Variants in ZNF74 observed in about 807,000 individuals in gnomAD.
ZNF74 encodes zinc finger protein 74.
In ZNF74, 12 loss-of-function variants were observed where a neutral mutation model predicts 17.7. That is an observed-to-expected ratio of 0.68 (90% CI 0.43 to 1.10). The LOEUF (loss-of-function observed/expected upper bound fraction) is 1.10. Ranked by LOEUF, ZNF74 falls within the 50% of genes least tolerant of loss-of-function variation. ZNF74 has a pLI of 0.00. For synonymous variants in ZNF74, 358 were observed against 362.1 expected, an observed-to-expected ratio of 0.99 and a Z score of 0.13; for missense variants, 811 against 881.0, an observed-to-expected ratio of 0.92 and a Z score of 1.01.
chr22:20,405,875 G>T lies in ZNF74; in HGVS notation c.842G>T (p.Cys281Phe), dbSNP rs756215925. The change falls in exon 5 of 5, where the codon TGC (cysteine) becomes TTC (phenylalanine). Residue 281 changes from cysteine (C) to phenylalanine (F), a missense_variant. Coordinates refer to ENST00000400451, the MANE Select transcript of ZNF74 (RefSeq NM_003426.4). The stretch of plus-strand genomic sequence containing the variant: ...GAGAAGGCTTACAAGTGCGATGAAT[G>T]CGGCAAGGCCTTCACCTGGAGCACC... ...SREKAYKCDE[C>F]GKAFTWSTNL... 8.1e-6 allele frequency: 13 copies of T among 1,613,702 alleles called. No individual in the cohort carries two copies. The South Asian group carries it at 1.4e-4, about 18-fold the overall frequency.
rs761215583 is a variant in ZNF74, at chr22:20,406,494, C to T, written c.1461C>T (p.Leu487=). The change falls in exon 5 of 5, where the codon CTC becomes CTT. Residue 487 remains leucine, a synonymous_variant. Transcript: ENST00000400451. ...AAGCCTTCAGCTCCCACGCCTACCT[C>T]ATCGTGCACCGGCGCATCCACACAG... is the stretch of plus-strand genomic sequence containing the variant. ...CGKAFSSHAY[L]IVHRRIHTGE... The T allele has an allele frequency of 1.9e-6, 3 of 1,613,786 alleles. No individual in the cohort carries two copies. The highest frequency in any genetic ancestry group is 2.5e-6 in the Non-Finnish European group (3 of 1,179,860).
At position 20,400,745 on chromosome 22, in the gene ZNF74, C is replaced by A. The variant is rs1194237643; in HGVS notation, c.234C>A (p.Asn78Lys). The A allele has an allele frequency of 8.7e-6, 14 of 1,614,120 alleles. No individual in the cohort carries two copies. Among genetic ancestry groups the A allele is most frequent in the Non-Finnish European group, 1.2e-5 (14 of 1,180,016 alleles). ...ATGTGATGTTGGAGAACTACCAGAACCTTCTTGCCCTAGGTAAAATCCCCC... is the reference window on the plus strand; with the variant it reads ...ATGTGATGTTGGAGAACTACCAGAAACTTCTTGCCCTAGGTAAAATCCCCC... ...YRDVMLENYQNLLALGPPLHK... is the reference protein window; with the variant it reads ...YRDVMLENYQKLLALGPPLHK... Residue 78 changes from asparagine to lysine, a missense_variant, in exon 3 of 5, where the codon AAC (asparagine) becomes AAA (lysine). This residue lies in a region of ZNF74 where 666 missense variants were observed against 702.3 expected (regional missense o/e 0.95). Transcript: ENST00000400451.
rs551000852 is a variant in ZNF74, at chr22:20,394,167, G to T, written c.-462G>T. ...CGCTTTCCCGCAGCGGCCGCCTGCTGCTCTTTGTGGCAGTCGCAGTCCTTT... is the reference window on the plus strand; with the variant it reads ...CGCTTTCCCGCAGCGGCCGCCTGCTTCTCTTTGTGGCAGTCGCAGTCCTTT... On this transcript the variant is annotated 5_prime_UTR_variant, in exon 1 of 5. Coordinates refer to ENST00000400451, the MANE Select transcript of ZNF74 (RefSeq NM_003426.4). 2.0e-3 allele frequency: 1,212 copies of T among 618,538 alleles called. 1 individual carries two copies. Among genetic ancestry groups the T allele is most frequent in the Non-Finnish European group, 3.1e-3 (1,063 of 341,586 alleles). The allele number at this position is 618,538 out of a possible 1,614,324, so 38.3% of individuals were successfully genotyped here.
At chr22:20,395,028 C>G (rs914258232) in intron 1 of ZNF74, 2 of 444,346 alleles carry the variant, frequency 4.5e-6, no homozygotes, top group Non-Finnish European at 4.0e-6. Context: ...GCTGGGATTA[C>G]AGGCGTGAGC....
rs760213835 is a variant in ZNF74, at chr22:20,395,391, T to C, written c.93T>C (p.Gly31=). ...AAGAGAATCTCGAGGATATATCGGG[T>C]TGGGGTCTTCCCGAAGCCAGGTCCA... ...SLKENLEDIS[G]WGLPEARSKE... The change falls in exon 2 of 5, where the codon GGT becomes GGC. Residue 31 remains glycine (G), a synonymous_variant. Coordinates refer to ENST00000400451, the MANE Select transcript of ZNF74 (RefSeq NM_003426.4). 4 of 1,606,742 alleles carry C rather than the reference T, an allele frequency of 2.5e-6. No individual in the cohort carries two copies. The highest frequency in any genetic ancestry group is 2.2e-5 in the East Asian group (1 of 44,644).
In ZNF74 at chr22:20,394,446, T is replaced by G. The variant is rs2146086871; in HGVS notation, c.-183T>G. On this transcript the variant is annotated 5_prime_UTR_variant, in exon 1 of 5. Transcript: ENST00000400451. ...CTGCGGAGCCGGCCTGAACCCCACC[T>G]CAGCCGGGCGCGGGGAGGGGGCTCC... The G allele has an allele frequency of 1.6e-6, 1 of 643,830 alleles. No individual in the cohort carries two copies. Among genetic ancestry groups the G allele is most frequent in the East Asian group, 2.8e-5 (1 of 36,120 alleles). The allele number at this position is 643,830 out of a possible 1,614,324, so 39.9% of individuals were successfully genotyped here. A position where few individuals can be genotyped will look rare whatever the true frequency, so the allele number is the denominator to read the frequency against.
Position 20,405,382 on chromosome 22 carries a change from G to T in ZNF74, c.349G>T (p.Glu117Ter). 2 of 1,599,316 alleles carry T rather than the reference G, an allele frequency of 1.3e-6. No homozygotes were observed. The highest frequency in any genetic ancestry group is 1.7e-6 in the Non-Finnish European group (2 of 1,176,486). The change falls in exon 5 of 5, where the codon GAG (glutamate) becomes TAG (stop). Residue 117 changes from glutamate (E) to a stop codon, truncating the protein, a stop_gained. Coordinates refer to ENST00000400451, the MANE Select transcript of ZNF74 (RefSeq NM_003426.4). LOFTEE classifies it low-confidence loss of function (END_TRUNC). The stretch of plus-strand genomic sequence containing the variant: ...TCATTTTCAATATCTTACAGAATGG[G>T]AGCTGAAGGCGGTGCCCTCTCAACA... ...EVPRGPCPEW[E>*]LKAVPSQQQG... is the part of the protein sequence containing the mutation.
rs377368181 is a variant in ZNF74 at position 20,405,412 on chromosome 22, G to A, written c.379G>A (p.Gly127Ser). The A allele has an allele frequency of 1.2e-4, 187 of 1,612,978 alleles. No homozygotes were observed. The highest frequency in any genetic ancestry group is 1.6e-4 in the Non-Finnish European group (183 of 1,179,828). Residue 127 changes from glycine to serine, a missense_variant, in exon 5 of 5, where the codon GGC becomes AGC. Around this residue, in one of 3 missense-constraint regions of ZNF74, gnomAD observed 666 missense variants for 702.3 expected, o/e 0.95. Transcript: ENST00000400451. ...GAAGGCGGTGCCCTCTCAACAGCAGGGCATTTGCAAAGAAGAACCGGCCCA... is the reference window on the plus strand; with the variant it reads ...GAAGGCGGTGCCCTCTCAACAGCAGAGCATTTGCAAAGAAGAACCGGCCCA... ...ELKAVPSQQQ[G>S]ICKEEPAQEP...
In ZNF74 at chr22:20,407,136, G is replaced by T; in HGVS notation, c.*168G>T. ...AGGGTGCCTCCTCTAGTTAAAGTCA[G>T]TCACCTCCCCAGAAGGGCCACACTC... is the stretch of plus-strand genomic sequence containing the variant. On this transcript the variant is annotated 3_prime_UTR_variant, in exon 5 of 5. Transcript: ENST00000400451. The T allele has an allele frequency of 9.2e-7, 1 of 1,084,218 alleles. No homozygotes were observed. The highest frequency in any genetic ancestry group is 1.3e-6 in the Non-Finnish European group (1 of 782,128). The allele number at this position is 1,084,218 out of a possible 1,614,324, so 67.2% of individuals were successfully genotyped here. A position where few individuals can be genotyped will look rare whatever the true frequency, so the allele number is the denominator to read the frequency against.
chr22:20,400,917 GC>G, intron 3 of ZNF74, 159 bp downstream of exon 3: 1 of 867,520 alleles, frequency 1.2e-6, no homozygotes, highest in Non-Finnish European at 1.8e-6. Context: ...AGGGGCCTCG[GC>G]CACGCCAGAA....
Position 20,407,203 on chromosome 22 carries a change from T to C in ZNF74, c.*235T>C, listed in dbSNP as rs145528305. ...AGTCATTTGAGGTAGTCTTGCCACC[T>C]GTTTTCCTTGATGGGCCTGGAAGTT... On this transcript the variant is annotated 3_prime_UTR_variant, in exon 5 of 5. Coordinates refer to ENST00000400451, the MANE Select transcript of ZNF74 (RefSeq NM_003426.4). 30 of 561,260 alleles carry C rather than the reference T, an allele frequency of 5.3e-5. No homozygotes were observed. The East Asian group carries it at 7.9e-4, about 15-fold the overall frequency. 34.8% of individuals were successfully genotyped at this position (561,260 alleles called of 1,614,324 possible). A position where few individuals can be genotyped will look rare whatever the true frequency, so the allele number is the denominator to read the frequency against.
rs201096275 is a variant in ZNF74 at position 20,406,014 on chromosome 22, G to A, written c.981G>A (p.Thr327=). ...SSLNVHQRIH[T]GERPYKCSAC... is the part of the protein sequence containing the mutation. ...TCAACGTGCACCAGCGCATCCACAC[G>A]GGCGAGCGGCCCTACAAGTGCAGCG... Residue 327 remains threonine (T), a synonymous_variant, in exon 5 of 5, where the codon ACG becomes ACA. Transcript: ENST00000400451. The A allele has an allele frequency of 7.6e-5, 122 of 1,598,462 alleles. No homozygotes were observed. The African/African-American group carries it at 1.4e-3, about 19-fold the overall frequency.
In ZNF74 at chr22:20,394,214, CT is replaced by C. The variant is rs2052263642; in HGVS notation, c.-413del. 2.9e-6 allele frequency: 2 copies of C among 695,050 alleles called. No homozygotes were observed. The highest frequency in any genetic ancestry group is 5.3e-6 in the Non-Finnish European group (2 of 377,706). The allele number at this position is 695,050 out of a possible 1,614,324, so 43.1% of individuals were successfully genotyped here. On this transcript the variant is annotated 5_prime_UTR_variant, in exon 1 of 5. Transcript: ENST00000400451. Reference sequence around the variant, plus strand: ...CTTTTGTGGGAGTCCGGTCTGTCCACTTGCCGGTCCCTCAGACCGTCGGCGG... The same window carrying C: ...CTTTTGTGGGAGTCCGGTCTGTCCACTGCCGGTCCCTCAGACCGTCGGCGG...
Position 20,405,529 on chromosome 22 carries a change from CCCGCA to C in ZNF74, c.499_503del (p.Ala167CysfsTer40). ...GAGGAGTCAGGCTGCGCCCTGGGCG[CCCGCA>C]CCTGCCATGGTCTGGGACGTCCCTG... On this transcript the variant is annotated frameshift_variant, in exon 5 of 5. Transcript: ENST00000400451. LOFTEE classifies it low-confidence loss of function (END_TRUNC). 1.2e-6 allele frequency: 2 copies of C among 1,602,552 alleles called. No individual in the cohort carries two copies. The highest frequency in any genetic ancestry group is 2.2e-5 in the South Asian group (2 of 89,994).
intron 1 of ZNF74, 52 bp from the exon 2 acceptor site, chr22:20,395,281 G>A (rs2052279585): frequency 6.9e-7 from 1 of 1,439,684 alleles, no homozygotes; most frequent in Non-Finnish European, 9.7e-7. Flanking sequence ...TGGGCTTTAA[G>A]CTCAGCCGTG....
intron 1 of ZNF74, 65 bp downstream of exon 1, chr22:20,394,727 G>GA: frequency 6.7e-7 from 1 of 1,503,084 alleles, no homozygotes; most frequent in Non-Finnish European, 9.3e-7. Flanking sequence ...GACACTCAGA[G>GA]AGATCAGGCC....
In ZNF74 at chr22:20,405,748, C is replaced by T; in HGVS notation, c.715C>T (p.Arg239Cys). Reference sequence around the variant, plus strand: ...AAAGTTCCCCCAGGTGCGCCGGCAGCGCGGGGCGGGCGCCGGGGAGGGCGA... The same window carrying T: ...AAAGTTCCCCCAGGTGCGCCGGCAGTGCGGGGCGGGCGCCGGGGAGGGCGA... The part of the protein sequence containing the change: ...PEKFPQVRRQ[R>C]GAGAGEGEFV... The change falls in exon 5 of 5, where the codon CGC becomes TGC. Residue 239 changes from arginine (R) to cysteine (C), a missense_variant. By Grantham distance (180) the Arg-to-Cys change is radical (BLOSUM62 -3). This residue lies in a region of ZNF74 where 666 missense variants were observed against 702.3 expected (regional missense o/e 0.95). Coordinates refer to ENST00000400451, the MANE Select transcript of ZNF74 (RefSeq NM_003426.4). 6.2e-7 allele frequency: 1 copy of T among 1,604,682 alleles called. No individual in the cohort carries two copies.
chr22:20,394,754 C>A, intron 1 of ZNF74, 92 bp downstream of exon 1: 4 of 1,251,000 alleles, frequency 3.2e-6, no homozygotes, highest in Non-Finnish European at 4.5e-6. Context: ...CCAGAAGCAT[C>A]CAGCATCTTT....
At position 20,401,268 on chromosome 22, in the gene ZNF74, C is replaced by T. The variant is rs1026334676; in HGVS notation, c.248-9C>T. 12 of 1,603,132 alleles carry T rather than the reference C, an allele frequency of 7.5e-6. No homozygotes were observed. Among genetic ancestry groups the T allele is most frequent in the Non-Finnish European group, 9.4e-6 (11 of 1,173,014 alleles). Reference sequence around the variant, plus strand: ...CAGCATGCCCAGCCCACTTTCTCTCCACGAGCAGGACCTCCACTGCACAAG... The same window carrying T: ...CAGCATGCCCAGCCCACTTTCTCTCTACGAGCAGGACCTCCACTGCACAAG... On this transcript the variant is annotated splice_polypyrimidine_tract_variant and intron_variant, in intron 3 of 4. Transcript: ENST00000400451. This position sits in a 1 kb window ranked among gnomAD's most constrained non-coding sequence, Gnocchi z 4.2.
Sources: allele counts gnomAD v4.1 joint callset, GRCh38; gene constraint gnomAD v4.1.1; regional missense constraint gnomAD v4.1.1; non-coding constraint Gnocchi (gnomAD v3.1); transcripts MANE v1.5; gene names NCBI Gene and HGNC (gene_info 2026-07-23, HGNC 2026-07-21).